TMEM144: variants seen among roughly 807,000 people sequenced by gnomAD.
TMEM144 encodes the protein transmembrane protein 144.
A neutral mutation model predicts 43.6 loss-of-function variants in TMEM144; 39 were observed. The observed-to-expected ratio is 0.90, with a 90% CI of 0.69 to 1.17. The LOEUF is 1.17. Ranked by LOEUF, TMEM144 falls within the 50% of genes most tolerant of loss-of-function variation. TMEM144 has a pLI of 0.00. For synonymous variants in TMEM144, 154 were observed against 133.6 expected, an observed-to-expected ratio of 1.15 and a Z score of -1.06; for missense variants, 417 against 411.9, an observed-to-expected ratio of 1.01 and a Z score of -0.11.
At chr4:158,248,479 C>T (rs984612268) in intron 12 of TMEM144, among the ~76,000 whole-genome samples, 2 of 152,056 alleles carry the variant, frequency 1.3e-5, no homozygotes, top group Non-Finnish European at 2.9e-5. Flanking sequence ...CATCTACAAG[C>T]AAAATTTAAC....
At chr4:158,245,316 A>G (rs919311412) in intron 12 of TMEM144, among the ~76,000 whole-genome samples, 1 of 151,222 alleles carries the variant, frequency 6.6e-6, no homozygotes, top group Non-Finnish European at 1.5e-5. Flanking sequence ...ATGCATCTAT[A>G]TTCCCAGCTA....
At chr4:158,232,041 T>C (rs752454225) in intron 6 of TMEM144, among the ~76,000 whole-genome samples, 6 of 152,370 alleles carry the variant, frequency 3.9e-5, no homozygotes, top group South Asian at 2.1e-4. Flanking sequence ...TGTTGAACCA[T>C]GCAAATGTAT....
At chr4:158,238,850 A>G (rs930808195) in intron 9 of TMEM144, among the ~76,000 whole-genome samples, 2 of 152,184 alleles carry the variant, frequency 1.3e-5, no homozygotes, top group Admixed American at 6.5e-5. Flanking sequence ...AAAGAGAACA[A>G]TGGCTTCTTA....
intron 6 of TMEM144, among the ~76,000 whole-genome samples, chr4:158,230,312 TAGTC>T (rs1735012456): frequency 6.6e-6 from 1 of 152,192 alleles, no homozygotes; most frequent in Non-Finnish European, 1.5e-5. Flanking sequence ...GTCAGCCACC[TAGTC>T]AGTTCTGATG....
intron 6 of TMEM144, among the ~76,000 whole-genome samples, chr4:158,231,859 A>C (rs1735096653): frequency 6.6e-6 from 1 of 152,212 alleles, no homozygotes; most frequent in South Asian, 2.1e-4. Context: ...TATGGAAAGG[A>C]ATATGAAACT....
At chr4:158,248,041 C>T (rs991505492) in intron 12 of TMEM144, among the ~76,000 whole-genome samples, 4 of 30,252 alleles carry the variant, frequency 1.3e-4, no homozygotes, top group African/African-American at 3.8e-4. Context: ...TGACTGTTTG[C>T]TCTTTTCTGT....
At chr4:158,241,237 C>G (rs1218903935) in intron 10 of TMEM144, among the ~76,000 whole-genome samples, 1 of 152,082 alleles carries the variant, frequency 6.6e-6, no homozygotes, top group Non-Finnish European at 1.5e-5. Context: ...CCCCTAGTCC[C>G]CTTTTCATCA....
At chr4:158,244,761 C>T (rs1735805032) in intron 12 of TMEM144, among the ~76,000 whole-genome samples, 1 of 152,056 alleles carries the variant, frequency 6.6e-6, no homozygotes, top group Non-Finnish European at 1.5e-5. Flanking sequence ...GTGCCTAGGT[C>T]CAGGGCCAAC....
Position 158,217,362 on chromosome 4 carries a change from G to A in TMEM144, c.274G>A (p.Gly92Ser), listed in dbSNP as rs776484576. 4 of 1,613,138 alleles carry A rather than the reference G, an allele frequency of 2.5e-6. No homozygotes were observed. In the Admixed American group the frequency reaches 5.0e-5, roughly 20 times the overall value. ...CCCAATTATCAAAACCATTGGTTTA[G>A]GCCTTGGAATCTTAATCTGGGGATC... is the stretch of plus-strand genomic sequence containing the variant. ...VVPIIKTIGL[G>S]LGILIWGSFN... is the part of the protein sequence containing the mutation. The change falls in exon 5 of 13, where the codon GGC (glycine) becomes AGC (serine). Residue 92 changes from glycine (G) to serine (S), a missense_variant. Coordinates refer to ENST00000296529, the MANE Select transcript of TMEM144 (RefSeq NM_018342.5).
chr4:158,219,221 C>T (rs1734387599), intron 5 of TMEM144, 89 bp from the exon 6 acceptor site: 3 of 1,268,686 alleles, frequency 2.4e-6, no homozygotes, highest in Non-Finnish European at 3.4e-6. Context: ...CATTTGAACC[C>T]AGGAATCTGG....
In TMEM144 at chr4:158,212,625, A is replaced by G. The variant is rs373995515; in HGVS notation, c.-43A>G. On this transcript the variant is annotated 5_prime_UTR_variant, in exon 3 of 13. Coordinates refer to ENST00000296529, the MANE Select transcript of TMEM144 (RefSeq NM_018342.5). Reference sequence around the variant, plus strand: ...TATTTCAGAAGCTCCTGAAAAGTACATCAAGTCTAAAGTGAACCAGCTAAC... The same window carrying G: ...TATTTCAGAAGCTCCTGAAAAGTACGTCAAGTCTAAAGTGAACCAGCTAAC... 7.0e-6 allele frequency: 10 copies of G among 1,429,774 alleles called. No individual in the cohort carries two copies. The highest frequency in any genetic ancestry group is 2.9e-5 in the African/African-American group (2 of 69,542). 88.6% of individuals were successfully genotyped at this position (1,429,774 alleles called of 1,614,324 possible).
chr4:158,224,434 C>G (rs562207635), intron 6 of TMEM144, among the ~76,000 whole-genome samples: 1 of 152,186 alleles, frequency 6.6e-6, no homozygotes, highest in South Asian at 2.1e-4. Flanking sequence ...CTTATGAGAT[C>G]TTTAATCTTA....
chr4:158,235,568 C>A, intron 8 of TMEM144, 63 bp downstream of exon 8: 1 of 1,487,512 alleles, frequency 6.7e-7, no homozygotes. Context: ...GCAGGGATTA[C>A]CAGCATGAAG....
At position 158,255,383 on chromosome 4, in the gene TMEM144, T is replaced by C. The variant is rs916526766; in HGVS notation, c.*1856T>C. The C allele has an allele frequency of 6.6e-6, 1 of 150,880 alleles. No homozygotes were observed. The highest frequency in any genetic ancestry group is 6.6e-5 in the Admixed American group (1 of 15,098). The allele number at this position is 150,880 out of a possible 1,614,324, so 9.3% of individuals were successfully genotyped here. ...CAATTTATATGCAAAATTTTAAATG[T>C]GAAGTAAAGCAGTTTCAGAAGAAAA... On this transcript the variant is annotated 3_prime_UTR_variant, in exon 13 of 13. Transcript: ENST00000296529.
chr4:158,254,317 G>T lies in TMEM144; in HGVS notation c.*790G>T, dbSNP rs1398954217. The T allele has an allele frequency of 6.6e-6, 1 of 151,890 alleles. No individual in the cohort carries two copies. Among genetic ancestry groups the T allele is most frequent in the African/African-American group, 2.4e-5 (1 of 41,336 alleles). 9.4% of individuals were successfully genotyped at this position (151,890 alleles called of 1,614,324 possible). ...AAAGGAAACAACCACTCTTTTGAAT[G>T]TACAACTTTTTTTTCTGAAATACAC... is the stretch of plus-strand genomic sequence containing the variant. On this transcript the variant is annotated 3_prime_UTR_variant, in exon 13 of 13. Transcript: ENST00000296529.
intron 12 of TMEM144, among the ~76,000 whole-genome samples, chr4:158,251,943 G>A (rs1312494956): frequency 1.3e-5 from 2 of 152,098 alleles, no homozygotes; most frequent in East Asian, 3.9e-4. Context: ...CATAAAGAAG[G>A]ATATAGACAA....
intron 9 of TMEM144, among the ~76,000 whole-genome samples, chr4:158,238,284 T>A (rs1735455997): frequency 6.6e-6 from 1 of 152,068 alleles, no homozygotes; most frequent in South Asian, 2.1e-4. Flanking sequence ...AAGTTCTAAA[T>A]CAGATGGCAC....
At chr4:158,228,590 C>G (rs980130123) in intron 6 of TMEM144, among the ~76,000 whole-genome samples, 1 of 152,152 alleles carries the variant, frequency 6.6e-6, no homozygotes, top group African/African-American at 2.4e-5. Context: ...GTGAGGCATC[C>G]CACCGGGGCA....
chr4:158,237,730 C>A, intron 9 of TMEM144, 87 bp downstream of exon 9: 2 of 904,732 alleles, frequency 2.2e-6, no homozygotes, highest in South Asian at 1.9e-5. Context: ...ATTGATGGGT[C>A]GATTCGATCT....
Sources: gnomAD v4.1 joint callset for allele counts (sites outside exome capture counted in the v4.1 genomes callset) on GRCh38, gnomAD v4.1.1 for gene constraint, MANE v1.5 for transcripts, NCBI Gene and HGNC (gene_info 2026-07-23, HGNC 2026-07-21) for gene names.